Variants in CNTN4 observed in about 807,000 individuals in gnomAD.
The protein encoded by CNTN4 is contactin 4.
Under a neutral mutation model 122.5 loss-of-function variants are expected in CNTN4, and 77 were observed. The ratio of observed to expected loss-of-function variants is 0.63; its 90% CI spans 0.52 to 0.76. The LOEUF is 0.76. CNTN4 is among the 30% of genes least tolerant of loss of function. The pLI, the probability that CNTN4 is intolerant of heterozygous loss-of-function variation, is 0.00. For synonymous variants in CNTN4, 512 were observed against 447.0 expected, an observed-to-expected ratio of 1.15 and a Z score of -1.83; for missense variants, 1,256 against 1,259.1, an observed-to-expected ratio of 1.00 and a Z score of 0.04.
intron 13 of CNTN4, among the ~76,000 whole-genome samples, chr3:2,956,493 G>A (rs1243299363): frequency 1.3e-5 from 2 of 151,952 alleles, no homozygotes; most frequent in African/African-American, 4.8e-5. Context: ...ATGGAAAATA[G>A]GCAAAGACAA....
rs190123544 is a variant in CNTN4 at position 3,044,029 on chromosome 3, G to A, written c.2811+325G>A. ...TCAGCTTCGTTTTGCTCCTGTCTCG[G>A]TTTATATATATTTTTTAGTCAACTT... On this transcript the variant is annotated intron_variant, in intron 23 of 24. Coordinates refer to ENST00000418658, the MANE Select transcript of CNTN4 (RefSeq NM_175607.3). Among the ~76,000 whole-genome samples the A allele has an allele frequency of 3.9e-5, 6 of 152,058 alleles. No individual in the cohort carries two copies. The East Asian group carries it at 7.7e-4, about 20-fold the overall frequency.
chr3:2,813,396 T>G (rs962424118), intron 6 of CNTN4, among the ~76,000 whole-genome samples: 16 of 152,230 alleles, frequency 1.1e-4, no homozygotes, highest in African/African-American at 3.4e-4. Context: ...TCTACCCAAG[T>G]CAGGAAAAAA....
intron 3 of CNTN4, among the ~76,000 whole-genome samples, chr3:2,495,642 G>C (rs1195624912): frequency 2.0e-5 from 3 of 152,186 alleles, no homozygotes; most frequent in African/African-American, 7.2e-5. Context: ...ATTCTCATGG[G>C]AGTGCGAACC....
At chr3:2,583,007 C>T (rs1184455851) in intron 4 of CNTN4, among the ~76,000 whole-genome samples, 2 of 151,918 alleles carry the variant, frequency 1.3e-5, no homozygotes, top group Non-Finnish European at 2.9e-5. Flanking sequence ...GTTGCTTGGG[C>T]TGCATAAGTA....
intron 2 of CNTN4, among the ~76,000 whole-genome samples, chr3:2,182,503 T>C (rs542969210): frequency 6.6e-6 from 1 of 152,272 alleles, no homozygotes; most frequent in African/African-American, 2.4e-5. Flanking sequence ...ATAGCCAATA[T>C]GTAATATCTG....
intron 4 of CNTN4, among the ~76,000 whole-genome samples, chr3:2,733,842 G>A (rs1004030200): frequency 2.6e-5 from 4 of 151,816 alleles, no homozygotes; most frequent in Admixed American, 6.6e-5. Context: ...CCATGTCTGC[G>A]TACTTTTATT....
At chr3:2,184,789 A>T (rs776798870) in intron 2 of CNTN4, among the ~76,000 whole-genome samples, 9 of 152,116 alleles carry the variant, frequency 5.9e-5, no homozygotes, top group Non-Finnish European at 8.8e-5. Flanking sequence ...ACCTGCTGGC[A>T]CCTTGGTCTT....
intron 13 of CNTN4, among the ~76,000 whole-genome samples, chr3:2,969,140 T>C (rs1273955036): frequency 2.6e-5 from 4 of 152,184 alleles, no homozygotes; most frequent in Admixed American, 2.6e-4. Flanking sequence ...AATTTCAGGG[T>C]TTGCTGTATG....
At chr3:2,299,681 A>T (rs575195811) in intron 2 of CNTN4, among the ~76,000 whole-genome samples, 14 of 152,302 alleles carry the variant, frequency 9.2e-5, no homozygotes, top group African/African-American at 3.1e-4. Context: ...GTAGAAATTT[A>T]ACGTGTGTAC....
chr3:2,727,356 T>A (rs545914297), intron 4 of CNTN4, among the ~76,000 whole-genome samples: 170 of 152,316 alleles, frequency 1.1e-3, no homozygotes, highest in Non-Finnish European at 1.9e-3. Flanking sequence ...CTCCCATCAG[T>A]TCCCATCAGT....
intron 13 of CNTN4, among the ~76,000 whole-genome samples, chr3:2,953,014 C>T (rs185008443): frequency 6.6e-6 from 1 of 152,332 alleles, no homozygotes; most frequent in East Asian, 1.9e-4. Context: ...AGCTCATCAA[C>T]ATCAACTAAC....
chr3:2,707,319 CA>C (rs369692938), intron 4 of CNTN4, among the ~76,000 whole-genome samples: 11 of 150,344 alleles, frequency 7.3e-5, no homozygotes, highest in Non-Finnish European at 1.2e-4. Flanking sequence ...AAAAAAAACC[CA>C]AAAAAAACAG....
At chr3:2,293,285 T>C (rs1387577369) in intron 2 of CNTN4, among the ~76,000 whole-genome samples, 1 of 152,252 alleles carries the variant, frequency 6.6e-6, no homozygotes, top group Non-Finnish European at 1.5e-5. Flanking sequence ...AGTACTATCT[T>C]ATACTGTGAC....
intron 4 of CNTN4, among the ~76,000 whole-genome samples, chr3:2,652,595 C>T (rs2083410915): frequency 6.6e-6 from 1 of 152,016 alleles, no homozygotes; most frequent in Non-Finnish European, 1.5e-5. Flanking sequence ...GAGAAGGTGC[C>T]AATGTTTCTA....
At chr3:2,832,079 A>C (rs1002224923) in intron 7 of CNTN4, among the ~76,000 whole-genome samples, 4 of 152,166 alleles carry the variant, frequency 2.6e-5, no homozygotes, top group Admixed American at 1.3e-4. Context: ...TTCTCTTGCT[A>C]CCCTGAGAAT....
intron 4 of CNTN4, among the ~76,000 whole-genome samples, chr3:2,605,793 G>A (rs932562045): frequency 5.3e-5 from 8 of 152,182 alleles, no homozygotes; most frequent in Non-Finnish European, 1.2e-4. Context: ...TGCTAGTGCT[G>A]TTCCACAGTT....
chr3:2,284,250 A>G (rs1430924825), intron 2 of CNTN4, among the ~76,000 whole-genome samples: 1 of 152,120 alleles, frequency 6.6e-6, no homozygotes, highest in Non-Finnish European at 1.5e-5. Flanking sequence ...AATTGGGGCA[A>G]AAGTTAAGAA....
At chr3:3,004,864 T>C (rs1223163426) in intron 14 of CNTN4, among the ~76,000 whole-genome samples, 1 of 152,228 alleles carries the variant, frequency 6.6e-6, no homozygotes, top group Non-Finnish European at 1.5e-5. Context: ...GCAGTGGTCC[T>C]GTACCTGTAG....
At chr3:2,969,370 A>C (rs1024071495) in intron 13 of CNTN4, among the ~76,000 whole-genome samples, 1 of 152,188 alleles carries the variant, frequency 6.6e-6, no homozygotes, top group African/African-American at 2.4e-5. Flanking sequence ...CTCCTGAACC[A>C]ATCGCTTTAA....
Sources: allele counts gnomAD v4.1 joint callset (sites outside exome capture counted in the v4.1 genomes callset), GRCh38; gene constraint gnomAD v4.1.1; transcripts MANE v1.5; gene names NCBI Gene and HGNC (gene_info 2026-07-23, HGNC 2026-07-21).